Variants in CLOCK observed in about 807,000 individuals in gnomAD.
CLOCK encodes the protein clock circadian regulator.
Under a neutral mutation model 118.4 loss-of-function variants are expected in CLOCK, and 43 were observed. The ratio of observed to expected loss-of-function variants is 0.36; its 90% CI spans 0.28 to 0.47. The LOEUF is 0.47. CLOCK is among the 20% of genes least tolerant of loss of function. The pLI, the probability that CLOCK is intolerant of heterozygous loss-of-function variation, is 1.00. For missense variants in CLOCK, 846 were observed against 999.9 expected, an observed-to-expected ratio of 0.85 and a Z score of 2.08; for synonymous variants, 326 against 339.2, an observed-to-expected ratio of 0.96 and a Z score of 0.43.
chr4:55,508,469 CCTAT>C (rs1728945415), intron 2 of CLOCK, among the ~76,000 whole-genome samples: 1 of 152,108 alleles, frequency 6.6e-6, no homozygotes, highest in South Asian at 2.1e-4. Flanking sequence ...GGCATGGACT[CCTAT>C]CTCTCTCTAA....
intron 1 of CLOCK, among the ~76,000 whole-genome samples, chr4:55,523,273 T>C (rs765948724): frequency 6.6e-4 from 101 of 152,248 alleles, no homozygotes; most frequent in Non-Finnish European, 1.3e-3. Flanking sequence ...TACTCCAGCC[T>C]GGGAGACAGA....
At chr4:55,532,836 C>T (rs912175420) in intron 1 of CLOCK, among the ~76,000 whole-genome samples, 8 of 151,820 alleles carry the variant, frequency 5.3e-5, no homozygotes, top group African/African-American at 1.9e-4. Context: ...GACAGAGACC[C>T]TATCTCTTTA....
chr4:55,486,925 C>T (rs960276045), intron 3 of CLOCK, among the ~76,000 whole-genome samples: 2 of 152,108 alleles, frequency 1.3e-5, no homozygotes, highest in African/African-American at 4.8e-5. Flanking sequence ...GTTCTCTATT[C>T]TTTGTTTTTC....
intron 3 of CLOCK, among the ~76,000 whole-genome samples, chr4:55,485,386 A>G (rs916954012): frequency 6.6e-6 from 1 of 152,230 alleles, no homozygotes; most frequent in African/African-American, 2.4e-5. Flanking sequence ...AGCAAATGTT[A>G]GAAGATTTCC....
chr4:55,480,684 G>A (rs1726859750), intron 4 of CLOCK, among the ~76,000 whole-genome samples: 1 of 152,150 alleles, frequency 6.6e-6, no homozygotes, highest in African/African-American at 2.4e-5. Context: ...AGGTCCAGGA[G>A]ATCGAGACCA....
chr4:55,482,508 G>A (rs1026376856), intron 4 of CLOCK, among the ~76,000 whole-genome samples: 14 of 152,186 alleles, frequency 9.2e-5, no homozygotes, highest in Admixed American at 1.3e-4. Context: ...AAAATTACAA[G>A]TCAGGACTCA....
chr4:55,524,243 A>G (rs1424809791), intron 1 of CLOCK, among the ~76,000 whole-genome samples: 2 of 150,730 alleles, frequency 1.3e-5, no homozygotes, highest in African/African-American at 4.9e-5. Flanking sequence ...ACACACACAC[A>G]CAAAAAAAAT....
chr4:55,466,192 G>A (rs766694466), intron 8 of CLOCK, among the ~76,000 whole-genome samples: 41 of 152,074 alleles, frequency 2.7e-4, no homozygotes, highest in Non-Finnish European at 5.0e-4. Flanking sequence ...TGATGTTCTC[G>A]TGATAGTGAG....
At chr4:55,495,411 G>A (rs1490002329) in intron 2 of CLOCK, among the ~76,000 whole-genome samples, 3 of 152,130 alleles carry the variant, frequency 2.0e-5, no homozygotes, top group African/African-American at 7.2e-5. Flanking sequence ...TCTCATGTGA[G>A]ATAAAATATA....
At position 55,434,467 on chromosome 4, in the gene CLOCK, A is replaced by G. The variant is rs1722730870; in HGVS notation, c.*948T>C. The G allele has an allele frequency of 6.6e-6, 1 of 152,670 alleles. No homozygotes were observed. The highest frequency in any genetic ancestry group is 6.5e-5 in the Admixed American group (1 of 15,278). 9.5% of individuals were successfully genotyped at this position (152,670 alleles called of 1,614,324 possible). ...ACTATGAACTATAACAAAATATGCA[A>G]TCAAAACTCCCAGCCACCTAAAATA... On this transcript the variant is annotated 3_prime_UTR_variant, in exon 23 of 23. Transcript: ENST00000513440.
intron 1 of CLOCK, among the ~76,000 whole-genome samples, chr4:55,519,337 G>A (rs1256662054): frequency 1.3e-5 from 2 of 152,202 alleles, no homozygotes; most frequent in Non-Finnish European, 2.9e-5. Flanking sequence ...GATTGTAGGT[G>A]CAAGCCACTG....
At chr4:55,526,324 C>T (rs1161520666) in intron 1 of CLOCK, among the ~76,000 whole-genome samples, 2 of 152,010 alleles carry the variant, frequency 1.3e-5, no homozygotes, top group African/African-American at 4.8e-5. Context: ...TCCTAAAAAC[C>T]CCATCAGGAG....
At chr4:55,529,085 GAACT>G (rs1361560894) in intron 1 of CLOCK, among the ~76,000 whole-genome samples, 1 of 152,100 alleles carries the variant, frequency 6.6e-6, no homozygotes, top group African/African-American at 2.4e-5. Context: ...CAAGAACCAT[GAACT>G]AACAATAAGG....
chr4:55,511,227 A>G (rs1260750151), intron 1 of CLOCK, among the ~76,000 whole-genome samples: 1 of 151,674 alleles, frequency 6.6e-6, no homozygotes, highest in East Asian at 1.9e-4. Flanking sequence ...AGCACTTGAC[A>G]TATATTTATT....
chr4:55,529,286 G>A (rs1382367594), intron 1 of CLOCK, among the ~76,000 whole-genome samples: 3 of 152,136 alleles, frequency 2.0e-5, no homozygotes, highest in Admixed American at 6.5e-5. Context: ...AGCCTCCCAA[G>A]TAGCTAGGAC....
intron 1 of CLOCK, among the ~76,000 whole-genome samples, chr4:55,516,941 G>A (rs774809598): frequency 6.6e-6 from 1 of 151,922 alleles, no homozygotes; most frequent in Non-Finnish European, 1.5e-5. Context: ...CACTTTATGG[G>A]TAGTACAAGT....
intron 2 of CLOCK, among the ~76,000 whole-genome samples, chr4:55,491,481 T>G (rs1164745451): frequency 6.6e-6 from 1 of 150,856 alleles, no homozygotes; most frequent in Non-Finnish European, 1.5e-5. Flanking sequence ...AAATCAGAAA[T>G]AAAAGGAGAA....
intron 18 of CLOCK, among the ~76,000 whole-genome samples, chr4:55,445,582 C>CTTT (rs56157186): frequency 0.023 from 1,592 of 68,536 alleles, 249 homozygotes; most frequent in Non-Finnish European, 0.027. Context: ...TTTCTATATT[C>CTTT]TTTTTTTTTT....
In CLOCK at chr4:55,428,382, T is replaced by C. The variant is rs1276120604; in HGVS notation, c.*7033A>G. The C allele has an allele frequency of 6.6e-6, 1 of 152,238 alleles. No individual in the cohort carries two copies. Among genetic ancestry groups the C allele is most frequent in the Non-Finnish European group, 1.5e-5 (1 of 68,048 alleles). 9.4% of individuals were successfully genotyped at this position (152,238 alleles called of 1,614,324 possible). ...AAACGATCCACATTTTATACAATAT[T>C]GTATTTCCAAACATACATAGGTCAT... is the stretch of plus-strand genomic sequence containing the variant. On this transcript the variant is annotated 3_prime_UTR_variant, in exon 23 of 23. Coordinates refer to ENST00000513440, the MANE Select transcript of CLOCK (RefSeq NM_004898.4).
Sources: allele counts gnomAD v4.1 joint callset (sites outside exome capture counted in the v4.1 genomes callset), GRCh38; gene constraint gnomAD v4.1.1; transcripts MANE v1.5; gene names NCBI Gene and HGNC (gene_info 2026-07-23, HGNC 2026-07-21).